The following CSMD1 variants were observed in gnomAD, a reference collection of about 807,000 sequenced individuals.
The protein encoded by CSMD1 is CUB and sushi domain-containing protein 1.
A neutral mutation model predicts 417.5 loss-of-function variants in CSMD1; 213 were observed. The ratio of observed to expected loss-of-function variants is 0.51; its 90% CI spans 0.46 to 0.57. The LOEUF (loss-of-function observed/expected upper bound fraction) is 0.57, where lower values mean the gene tolerates loss of function less well. CSMD1 is among the 20% of genes least tolerant of loss of function. The pLI is 0.00. For missense variants in CSMD1, 6,923 were observed against 4,529.7 expected, an observed-to-expected ratio of 1.53 and a Z score of -15.17; for synonymous variants, 2,862 against 1,736.8, an observed-to-expected ratio of 1.65 and a Z score of -16.11.
chr8:3,443,145 C>A (rs943707847), intron 12 of CSMD1, among the ~76,000 whole-genome samples: 2 of 152,220 alleles, frequency 1.3e-5, no homozygotes, highest in South Asian at 4.1e-4. Flanking sequence ...GCAGTGTACA[C>A]TGCACACCAC....
intron 3 of CSMD1, among the ~76,000 whole-genome samples, chr8:4,202,343 T>C (rs1009564361): frequency 1.2e-4 from 19 of 152,226 alleles, no homozygotes; most frequent in Admixed American, 1.1e-3. Context: ...AATATGGCAT[T>C]TTAATGTCTT....
intron 1 of CSMD1, among the ~76,000 whole-genome samples, chr8:4,830,515 CA>C (rs1372807765): frequency 6.6e-6 from 1 of 152,204 alleles, no homozygotes; most frequent in African/African-American, 2.4e-5. Context: ...TACTGCCTGA[CA>C]ATGGATTACC....
chr8:3,929,425 G>T (rs1383162800), intron 5 of CSMD1, among the ~76,000 whole-genome samples: 1 of 150,408 alleles, frequency 6.6e-6, no homozygotes, highest in Non-Finnish European at 1.5e-5. Flanking sequence ...TTCCCCACAT[G>T]AGAAGTGGGT....
intron 26 of CSMD1, among the ~76,000 whole-genome samples, chr8:3,237,189 C>T (rs1314258119): frequency 1.3e-5 from 2 of 151,190 alleles, no homozygotes; most frequent in African/African-American, 2.4e-5. Flanking sequence ...CTTTGCAGGC[C>T]GGGTGCGGTA....
At chr8:4,328,597 A>C (rs1333042151) in intron 3 of CSMD1, among the ~76,000 whole-genome samples, 1 of 152,136 alleles carries the variant, frequency 6.6e-6, no homozygotes, top group Non-Finnish European at 1.5e-5. Flanking sequence ...ATTAAAAATG[A>C]AGTCATTTTG....
intron 21 of CSMD1, among the ~76,000 whole-genome samples, chr8:3,357,303 C>T (rs1467441174): frequency 6.6e-6 from 1 of 152,202 alleles, no homozygotes; most frequent in Admixed American, 6.5e-5. Flanking sequence ...TTCGAGTCTT[C>T]CTAGCTCTGT....
At chr8:3,184,337 T>C (rs902271799) in intron 36 of CSMD1, among the ~76,000 whole-genome samples, 4 of 152,166 alleles carry the variant, frequency 2.6e-5, no homozygotes, top group African/African-American at 9.7e-5. Flanking sequence ...AACATACTAG[T>C]TATTCTCTGA....
intron 3 of CSMD1, among the ~76,000 whole-genome samples, chr8:4,257,308 A>C (rs1001378463): frequency 6.6e-6 from 1 of 152,164 alleles, no homozygotes. Context: ...TTTACAATAC[A>C]GTTTTAAATG....
intron 1 of CSMD1, among the ~76,000 whole-genome samples, chr8:4,947,141 T>G (rs1460360943): frequency 6.6e-6 from 1 of 152,188 alleles, no homozygotes; most frequent in East Asian, 1.9e-4. Flanking sequence ...TAAATTTATA[T>G]TTAACACAAA....
chr8:4,605,670 A>G (rs73659144), intron 2 of CSMD1, among the ~76,000 whole-genome samples: 68 of 152,334 alleles, frequency 4.5e-4, no homozygotes, highest in African/African-American at 1.6e-3. Context: ...ATGCTTTAAC[A>G]TATACTTATA....
chr8:3,898,854 T>G (rs1807538713), intron 5 of CSMD1, among the ~76,000 whole-genome samples: 1 of 152,226 alleles, frequency 6.6e-6, no homozygotes, highest in Non-Finnish European at 1.5e-5. Context: ...AGGACATAGC[T>G]GATAGCCCCA....
At chr8:4,034,559 C>A (rs773743908) in intron 3 of CSMD1, among the ~76,000 whole-genome samples, 2 of 152,080 alleles carry the variant, frequency 1.3e-5, no homozygotes, top group African/African-American at 2.4e-5. Context: ...TCCATTTTAT[C>A]AGGGCAGCCC....
intron 5 of CSMD1, among the ~76,000 whole-genome samples, chr8:3,756,328 G>T (rs530871205): frequency 1.4e-5 from 2 of 146,994 alleles, no homozygotes; most frequent in African/African-American, 5.1e-5. Context: ...ACTCCACCCT[G>T]GGCAACACAC....
At chr8:3,618,966 C>G (rs1035883419) in intron 7 of CSMD1, among the ~76,000 whole-genome samples, 1 of 152,024 alleles carries the variant, frequency 6.6e-6, no homozygotes, top group Non-Finnish European at 1.5e-5. Flanking sequence ...ACTTGCAGGT[C>G]AGATGAGGAA....
chr8:3,079,642 T>C lies in CSMD1; in HGVS notation c.7474+7455A>G, dbSNP rs114743424. The stretch of plus-strand genomic sequence containing the variant: ...ATATCCTCCTAACATTTGAGAATGA[T>C]GTTGTTTTAAAAATTTTGTATAAAG... On this transcript the variant is annotated intron_variant, in intron 49 of 69. Coordinates refer to ENST00000635120, the MANE Select transcript of CSMD1 (RefSeq NM_033225.6). 3.7e-3 allele frequency among the ~76,000 whole-genome samples: 570 copies of C among 152,304 alleles called. 3 individuals carry two copies. Among genetic ancestry groups the C allele is most frequent in the African/African-American group, 0.013 (541 of 41,562 alleles).
At chr8:4,840,107 T>C (rs962797150) in intron 1 of CSMD1, among the ~76,000 whole-genome samples, 9 of 152,258 alleles carry the variant, frequency 5.9e-5, no homozygotes, top group Admixed American at 2.0e-4. Context: ...TCCACTCACT[T>C]AGACTCCACG....
At chr8:4,520,990 C>T (rs1047155807) in intron 2 of CSMD1, among the ~76,000 whole-genome samples, 1 of 152,056 alleles carries the variant, frequency 6.6e-6, no homozygotes, top group Non-Finnish European at 1.5e-5. Context: ...ATTCATGGCT[C>T]ATTATATTGC....
At chr8:4,966,387 AAAC>A (rs1809860593) in intron 1 of CSMD1, among the ~76,000 whole-genome samples, 1 of 152,122 alleles carries the variant, frequency 6.6e-6, no homozygotes, top group Non-Finnish European at 1.5e-5. Context: ...CTCAAACAAA[AAAC>A]AACAACAAAA....
intron 5 of CSMD1, among the ~76,000 whole-genome samples, chr8:3,967,136 T>A (rs1295435344): frequency 6.6e-6 from 1 of 151,620 alleles, no homozygotes; most frequent in Non-Finnish European, 1.5e-5. Flanking sequence ...TTTTGTCTAT[T>A]TGCATCTTTC....
Sources: gnomAD v4.1 joint callset for allele counts (sites outside exome capture counted in the v4.1 genomes callset) on GRCh38, gnomAD v4.1.1 for gene constraint, MANE v1.5 for transcripts, NCBI Gene and HGNC (gene_info 2026-07-23, HGNC 2026-07-21) for gene names.